The following PRKAR1B variants were observed in gnomAD, a reference collection of about 807,000 sequenced individuals.
PRKAR1B encodes cAMP-dependent protein kinase type I-beta regulatory subunit.
A neutral mutation model predicts 46.5 loss-of-function variants in PRKAR1B; 22 were observed. The observed-to-expected ratio is 0.47, with a 90% confidence interval of 0.34 to 0.68. The LOEUF (loss-of-function observed/expected upper bound fraction) is 0.68, where lower values mean the gene tolerates loss of function less well. Among genes scored for constraint, PRKAR1B ranks in the 30% least tolerant of loss-of-function variants. The pLI, the probability that PRKAR1B is intolerant of heterozygous loss-of-function variation, is 0.01. For synonymous variants in PRKAR1B, 259 were observed against 217.7 expected (o/e 1.19, Z -1.67); for missense variants, 445 against 535.6 (o/e 0.83, Z 1.67).
chr7:608,389 G>C (rs1396951665), intron 4 of PRKAR1B: 2 of 152,214 alleles, frequency 1.3e-5, no homozygotes, highest in Non-Finnish European at 2.9e-5. Context: ...CCAGGGATGG[G>C]GGCTGAGCCA....
chr7:581,939 G>C (rs983935558), intron 8 of PRKAR1B, among the ~76,000 whole-genome samples: 1 of 152,190 alleles, frequency 6.6e-6, no homozygotes, highest in Non-Finnish European at 1.5e-5. Flanking sequence ...GGCTGGTCTG[G>C]AGTTCATGGC....
chr7:663,276 G>T (rs1785715601), intron 4 of PRKAR1B, among the ~76,000 whole-genome samples: 2 of 152,076 alleles, frequency 1.3e-5, no homozygotes, highest in Admixed American at 1.3e-4. Context: ...ACCCAGGCTG[G>T]AGAGAGGAGT....
chr7:561,628 C>T (rs545111239), intron 9 of PRKAR1B, among the ~76,000 whole-genome samples: 7 of 152,304 alleles, frequency 4.6e-5, no homozygotes, highest in Non-Finnish European at 7.4e-5. Flanking sequence ...CCCGGCTGGC[C>T]GAGACGGAAC....
intron 2 of PRKAR1B, among the ~76,000 whole-genome samples, chr7:707,795 C>T (rs372366070): frequency 8.6e-5 from 13 of 151,930 alleles, no homozygotes; most frequent in African/African-American, 2.9e-4. Context: ...CAGCACCACC[C>T]GGAGCTGGGG....
intron 2 of PRKAR1B, chr7:691,489 C>G: frequency 7.7e-7 from 1 of 1,304,128 alleles, no homozygotes; most frequent in South Asian, 1.2e-5. Context: ...GGCCCCCCAG[C>G]GCACCACAGC....
Position 678,463 on chromosome 7 carries a change from CGTCT to C in PRKAR1B, c.349-1147_349-1144del, listed in dbSNP as rs548286219. 1.1e-4 allele frequency among the ~76,000 whole-genome samples: 17 copies of C among 152,292 alleles called. No individual in the cohort carries two copies. In the South Asian group the frequency reaches 2.5e-3, roughly 22 times the overall value. The stretch of plus-strand genomic sequence containing the variant: ...CAAAGATCTCAAAACCCATTCCTCC[CGTCT>C]GTCTGTCTGTCTGTCTGAAACTCTG... On this transcript the variant is annotated intron_variant, in intron 3 of 10. Transcript: ENST00000537384.
In PRKAR1B at chr7:621,390, A is replaced by T. The variant is rs181903419; in HGVS notation, c.441-13938T>A. Among the ~76,000 whole-genome samples, 6 of 152,374 alleles carry T rather than the reference A, an allele frequency of 3.9e-5. No individual in the cohort carries two copies. The East Asian group carries it at 1.2e-3, about 29-fold the overall frequency. On this transcript the variant is annotated intron_variant, in intron 4 of 10. Transcript: ENST00000537384. The stretch of plus-strand genomic sequence containing the variant: ...CATCTCCCAATATTTAAAAATTTAC[A>T]AAATTCATAAAATCCAAATTGTTGG...
rs978367242 is a variant in PRKAR1B at position 551,463 on chromosome 7, G to A, written c.899C>T (p.Ala300Val). ...GGGGGACCGGCGCTGCAGCACGGAC[G>A]CGGTGCCCTGTGGGTGGAGGTGGAC... Reference protein sequence around the residue: ...DDFYIITEGTASVLQRRSPNE... With the variant: ...DDFYIITEGTVSVLQRRSPNE... The change falls in exon 10 of 11, where the codon GCG (alanine) becomes GTG (valine). Residue 300 changes from alanine (A) to valine (V), a missense_variant. Around this residue, in one of 5 missense-constraint regions of PRKAR1B, gnomAD observed 127 missense variants for 138.0 expected, o/e 0.92. Transcript: ENST00000537384. 9 of 1,554,348 alleles carry A rather than the reference G, an allele frequency of 5.8e-6. No individual in the cohort carries two copies. Among genetic ancestry groups the A allele is most frequent in the South Asian group, 3.6e-5 (3 of 84,482 alleles).
At chr7:626,261 G>A (rs1442070284) in intron 4 of PRKAR1B, among the ~76,000 whole-genome samples, 4 of 152,190 alleles carry the variant, frequency 2.6e-5, no homozygotes, top group Non-Finnish European at 5.9e-5. Flanking sequence ...AGAGGCTGAG[G>A]CAGGAAGATC....
chr7:582,695 T>C (rs1406513480), intron 8 of PRKAR1B, among the ~76,000 whole-genome samples: 1 of 152,194 alleles, frequency 6.6e-6, no homozygotes, highest in Non-Finnish European at 1.5e-5. Flanking sequence ...CTTCATGGCC[T>C]GCAGCAACCG....
At chr7:727,425 C>A, upstream of PRKAR1B, 1 of 472,164 alleles carries the variant, frequency 2.1e-6, no homozygotes, top group Non-Finnish European at 3.1e-6. Context: ...CCCCTCCACG[C>A]CCGCACCCCC....
intron 9 of PRKAR1B, among the ~76,000 whole-genome samples, chr7:573,854 C>T (rs112393620): frequency 2.0e-5 from 3 of 152,268 alleles, no homozygotes; most frequent in Non-Finnish European, 4.4e-5. Context: ...TGCCCCTCGC[C>T]GGTCCCCACA....
chr7:689,138 CAG>C (rs1000156338), intron 2 of PRKAR1B, among the ~76,000 whole-genome samples: 4 of 151,334 alleles, frequency 2.6e-5, no homozygotes, highest in African/African-American at 7.3e-5. Context: ...TTTTTTGAGG[CAG>C]AGTCTCGCTC....
At chr7:702,772 G>A (rs1199188428) in intron 2 of PRKAR1B, among the ~76,000 whole-genome samples, 1 of 152,122 alleles carries the variant, frequency 6.6e-6, no homozygotes, top group Admixed American at 6.5e-5. Context: ...GCAGTGAGCG[G>A]AGATTGTGCC....
intron 4 of PRKAR1B, among the ~76,000 whole-genome samples, chr7:632,378 G>C (rs1456310138): frequency 6.6e-6 from 1 of 152,154 alleles, no homozygotes. Context: ...TCCTCCTGCT[G>C]CTGTCTCTCC....
chr7:617,621 C>T (rs1481781235), intron 4 of PRKAR1B, among the ~76,000 whole-genome samples: 1 of 152,242 alleles, frequency 6.6e-6, no homozygotes, highest in Non-Finnish European at 1.5e-5. Flanking sequence ...AACAGTCACA[C>T]TGGGTGATGG....
chr7:677,005 A>G lies in PRKAR1B; in HGVS notation c.440+224T>C, dbSNP rs146248674. Among the ~76,000 whole-genome samples the G allele has an allele frequency of 9.1e-3, 1,376 of 151,062 alleles. 18 individuals carry two copies. Among genetic ancestry groups the G allele is most frequent in the African/African-American group, 0.032 (1,301 of 40,976 alleles). On this transcript the variant is annotated intron_variant, in intron 4 of 10. Coordinates refer to ENST00000537384, the MANE Select transcript of PRKAR1B (RefSeq NM_001164760.2). ...GCAATGGGGCCTGCCCACCTCCCGG[A>G]GGGCAAGGAGGGCGGTGGTGATTCC... is the stretch of plus-strand genomic sequence containing the variant.
chr7:600,411 G>A (rs1189626830), intron 6 of PRKAR1B, among the ~76,000 whole-genome samples: 1 of 152,216 alleles, frequency 6.6e-6, no homozygotes, highest in Non-Finnish European at 1.5e-5. Context: ...AGGATCGCTT[G>A]AGCCCAGGAG....
intron 1 of PRKAR1B, among the ~76,000 whole-genome samples, chr7:723,044 C>T (rs1018725410): frequency 2.0e-5 from 3 of 152,158 alleles, no homozygotes; most frequent in Non-Finnish European, 4.4e-5. Context: ...GTGAAAGGTA[C>T]CTCCCTGGGC....
Sources: gnomAD v4.1 joint callset for allele counts (sites outside exome capture counted in the v4.1 genomes callset) on GRCh38, gnomAD v4.1.1 for gene constraint, gnomAD v4.1.1 regional missense constraint, MANE v1.5 for transcripts, NCBI Gene and HGNC (gene_info 2026-07-23, HGNC 2026-07-21) for gene names.